ATP6AP2: variants seen among roughly 807,000 people sequenced by gnomAD.
ATP6AP2 encodes renin receptor.
Under a neutral mutation model 23.4 loss-of-function variants are expected in ATP6AP2, and 1 was observed. The ratio of observed to expected loss-of-function variants is 0.04; its 90% CI spans 0.02 to 0.20. The LOEUF (loss-of-function observed/expected upper bound fraction) is 0.20, where lower values mean the gene tolerates loss of function less well. ATP6AP2 is among the 10% of genes least tolerant of loss of function. The probability of loss-of-function intolerance (pLI) is 1.00; values close to 1 mark genes in which losing one functional copy is unlikely to be tolerated. For synonymous variants in ATP6AP2, 90 were observed against 97.1 expected, an observed-to-expected ratio of 0.93 and a Z score of 0.43; for missense variants, 174 against 271.3, an observed-to-expected ratio of 0.64 and a Z score of 2.52.
intron 8 of ATP6AP2, among the ~76,000 whole-genome samples, chrX:40,604,370 T>C (rs1047032959): frequency 3.6e-5 from 4 of 111,069 alleles, no homozygotes; most frequent in Non-Finnish European, 5.7e-5. Flanking sequence ...CTTACAATCA[T>C]GGAGGAAGGG....
intron 3 of ATP6AP2, chrX:40,595,761 T>C (rs1479131133): frequency 3.6e-5 from 4 of 112,145 alleles, no homozygotes; most frequent in Non-Finnish European, 5.6e-5. Context: ...AACTTTGAAC[T>C]CTCTTCCCCC....
At chrX:40,589,514 A>G (rs761659327) in intron 2 of ATP6AP2, 144 of 152,553 alleles carry the variant, frequency 9.4e-4, no homozygotes, top group Non-Finnish European at 1.6e-3. Context: ...TTTGTATATT[A>G]GAGAATGCAT....
At position 40,606,073 on chromosome X, in the gene ATP6AP2, A is replaced by G. The variant is rs1037589479; in HGVS notation, c.*318A>G. 2.6e-5 allele frequency: 6 copies of G among 232,984 alleles called. No homozygotes were observed. The East Asian group carries it at 3.8e-4, about 15-fold the overall frequency. 19.2% of individuals were successfully genotyped at this position (232,984 alleles called of 1,213,427 possible). ...TAAAACATTTAGAATAGCTCGTGTT[A>G]TGGAAAAAAGTGCACTGAATTTATT... On this transcript the variant is annotated 3_prime_UTR_variant, in exon 9 of 9. Transcript: ENST00000636580.
intron 1 of ATP6AP2, among the ~76,000 whole-genome samples, chrX:40,581,748 C>T (rs1023263045): frequency 8.9e-6 from 1 of 111,981 alleles, no homozygotes; most frequent in African/African-American, 3.2e-5. Flanking sequence ...TAAATGGTAG[C>T]TTTCTGAGTA....
chrX:40,589,315 T>C (rs1421797844), intron 2 of ATP6AP2, 199 bp downstream of exon 2: 2 of 429,533 alleles, frequency 4.7e-6, no homozygotes, highest in Non-Finnish European at 7.7e-6. Context: ...GGAGGCTCAG[T>C]TGAACCCAGG....
At position 40,581,059 on chromosome X, in the gene ATP6AP2, C is replaced by T; in HGVS notation, c.-7C>T. 6.0e-6 allele frequency: 7 copies of T among 1,164,521 alleles called. No homozygotes were observed. Among genetic ancestry groups the T allele is most frequent in the Non-Finnish European group, 8.0e-6 (7 of 872,091 alleles). On this transcript the variant is annotated 5_prime_UTR_variant, in exon 1 of 9. Transcript: ENST00000636580. ...TCGCCCCGCAGTGCTGCGGCCGCCG[C>T]GGCACCATGGCTGTGTTTGTCGTGC...
rs1338693691 is a variant in ATP6AP2, at chrX:40,600,830, T to A, written c.807T>A (p.Phe269Leu). Residue 269 changes from phenylalanine to leucine, a missense_variant, in exon 8 of 9, where the codon TTT (phenylalanine) becomes TTA (leucine). Phe to Leu is a conservative substitution (Grantham distance 22). Coordinates refer to ENST00000636580, the MANE Select transcript of ATP6AP2 (RefSeq NM_005765.3). ...AVVELVTVKS[F>L]DTSLIRKTRT... ...TAGAGTTAGTCACTGTCAAGTCATT[T>A]GACACCTCCCTCATTAGGAAGACAA... 2 of 1,208,518 alleles carry A rather than the reference T, an allele frequency of 1.7e-6. No individual in the cohort carries two copies. Among genetic ancestry groups the A allele is most frequent in the South Asian group, 3.5e-5 (2 of 56,891 alleles).
chrX:40,605,461 G>C (rs1346816118), intron 8 of ATP6AP2, 100 bp from the exon 9 acceptor site: 1 of 804,217 alleles, frequency 1.2e-6, no homozygotes, highest in African/African-American at 2.1e-5. Flanking sequence ...CACTTATGAA[G>C]AAATGTTTGT....
chrX:40,599,580 T>C lies in ATP6AP2; in HGVS notation c.589-12T>C, dbSNP rs1382713000. The C allele has an allele frequency of 5.0e-6, 6 of 1,210,546 alleles. No individual in the cohort carries two copies. The South Asian group carries it at 8.8e-5, about 18-fold the overall frequency. ...TATCCGCTACCTTTTTTTGTTTGTT[T>C]GTTCTCCTAAGCTGTCTCGTCATAA... On this transcript the variant is annotated splice_polypyrimidine_tract_variant and intron_variant, in intron 6 of 8. Coordinates refer to ENST00000636580, the MANE Select transcript of ATP6AP2 (RefSeq NM_005765.3).
chrX:40,605,914 A>C lies in ATP6AP2; in HGVS notation c.*159A>C. On this transcript the variant is annotated 3_prime_UTR_variant, in exon 9 of 9. Transcript: ENST00000636580. ...GTGTGTGCCTGTGATGTTTTTCTAG[A>C]GTGAATTATAGTATTGACGTGAATC... 1 of 475,906 alleles carries C rather than the reference A, an allele frequency of 2.1e-6. No individual in the cohort carries two copies. The highest frequency in any genetic ancestry group is 3.7e-5 in the East Asian group (1 of 26,952). The allele number at this position is 475,906 out of a possible 1,213,427, so 39.2% of individuals were successfully genotyped here.
At chrX:40,585,771 T>C (rs1009142558) in intron 1 of ATP6AP2, among the ~76,000 whole-genome samples, 3 of 111,143 alleles carry the variant, frequency 2.7e-5, no homozygotes, top group African/African-American at 6.6e-5. Context: ...CAGGAGAATC[T>C]CTTGAACCTG....
At chrX:40,599,108 G>A (rs1926841923) in intron 6 of ATP6AP2, 1 of 226,479 alleles carries the variant, frequency 4.4e-6, no homozygotes, top group Non-Finnish European at 7.9e-6. Context: ...AAGAAGGGAC[G>A]AAATCCGTCT....
intron 5 of ATP6AP2, 95 bp from the exon 6 acceptor site, chrX:40,598,586 C>T (rs927847406): frequency 1.1e-5 from 9 of 814,745 alleles, no homozygotes; most frequent in Non-Finnish European, 1.5e-5. Flanking sequence ...ATATGATCAA[C>T]ATTTGTAATA....
chrX:40,585,845 A>AC (rs1164474578), intron 1 of ATP6AP2, among the ~76,000 whole-genome samples: 2 of 110,816 alleles, frequency 1.8e-5, no homozygotes, highest in African/African-American at 6.6e-5. Context: ...TGACAGCAAG[A>AC]CCCTGTCTCA....
Position 40,597,522 on chromosome X carries a change from T to C in ATP6AP2, c.397-5T>C. 1 of 1,210,206 alleles carries C rather than the reference T, an allele frequency of 8.3e-7. No homozygotes were observed. The highest frequency in any genetic ancestry group is 1.1e-6 in the Non-Finnish European group (1 of 894,043). Reference sequence around the variant, plus strand: ...GCAACTTAAAATTTTCTATTCTTCTTACAGAGAGTGTATATGGTAGGGAAG... The same window carrying C: ...GCAACTTAAAATTTTCTATTCTTCTCACAGAGAGTGTATATGGTAGGGAAG... On this transcript the variant is annotated splice_polypyrimidine_tract_variant and splice_region_variant and intron_variant, in intron 4 of 8. Transcript: ENST00000636580.
At chrX:40,595,524 T>C (rs1926755177) in intron 3 of ATP6AP2, among the ~76,000 whole-genome samples, 1 of 112,456 alleles carries the variant, frequency 8.9e-6, no homozygotes, top group Non-Finnish European at 1.9e-5. Context: ...TTTTCCTTCA[T>C]TGGTGTTCAT....
At chrX:40,592,654 A>T (rs1302240733) in intron 3 of ATP6AP2, among the ~76,000 whole-genome samples, 1 of 111,978 alleles carries the variant, frequency 8.9e-6, no homozygotes, top group Non-Finnish European at 1.9e-5. Flanking sequence ...ATGTAGAAGT[A>T]TTTTTTCCAA....
intron 3 of ATP6AP2, chrX:40,591,863 G>A (rs1041649799): frequency 8.1e-6 from 1 of 124,072 alleles, no homozygotes; most frequent in Non-Finnish European, 1.7e-5. Context: ...TTGAAAGAAT[G>A]TCACAAAAAA....
chrX:40,603,476 A>G (rs960011975), intron 8 of ATP6AP2: 1 of 113,019 alleles, frequency 8.8e-6, no homozygotes, highest in Non-Finnish European at 1.9e-5. Flanking sequence ...TCTCTCCTAC[A>G]TTTGAAATCA....
Sources: gnomAD v4.1 joint callset for allele counts (sites outside exome capture counted in the v4.1 genomes callset) on GRCh38, gnomAD v4.1.1 for gene constraint, MANE v1.5 for transcripts, NCBI Gene and HGNC (gene_info 2026-07-23, HGNC 2026-07-21) for gene names.